Variants in LRRTM4 observed in about 807,000 individuals in gnomAD.
LRRTM4 encodes leucine rich repeat transmembrane neuronal 4.
Under a neutral mutation model 47.6 loss-of-function variants are expected in LRRTM4, and 25 were observed. That is an observed-to-expected ratio of 0.53 (90% CI 0.38 to 0.73). The LOEUF (loss-of-function observed/expected upper bound fraction) is 0.73. Ranked by LOEUF, LRRTM4 falls within the 30% of genes least tolerant of loss-of-function variation. LRRTM4 has a pLI of 0.00. For synonymous variants in LRRTM4, 311 were observed against 269.5 expected, an observed-to-expected ratio of 1.15 and a Z score of -1.51; for missense variants, 638 against 713.4, an observed-to-expected ratio of 0.89 and a Z score of 1.20.
chr2:77,075,540 G>C (rs950169785), intron 3 of LRRTM4, among the ~76,000 whole-genome samples: 13 of 152,014 alleles, frequency 8.6e-5, no homozygotes, highest in Non-Finnish European at 1.8e-4. Context: ...TAAAAATAAG[G>C]TCTACATTTT....
At chr2:76,766,681 A>G (rs1673469296) in intron 3 of LRRTM4, among the ~76,000 whole-genome samples, 1 of 152,190 alleles carries the variant, frequency 6.6e-6, no homozygotes, top group South Asian at 2.1e-4. Context: ...GCCTTGCTAC[A>G]GTTCTGAAGT....
chr2:76,780,530 C>G (rs576053409), intron 3 of LRRTM4, among the ~76,000 whole-genome samples: 3 of 152,206 alleles, frequency 2.0e-5, no homozygotes, highest in East Asian at 3.9e-4. Flanking sequence ...TGCTGATACC[C>G]TTTTTTCCAG....
chr2:76,952,528 G>A lies in LRRTM4; in HGVS notation c.1552-203612C>T, dbSNP rs772220654. 5.3e-5 allele frequency among the ~76,000 whole-genome samples: 8 copies of A among 151,894 alleles called. No homozygotes were observed. In the East Asian group the frequency reaches 7.8e-4, roughly 15 times the overall value. ...CAGTCAGAATGGCTATTAATAAAAC[G>A]TCAAAAAAGCAGAAATAATGGCAAG... On this transcript the variant is annotated intron_variant, in intron 3 of 3. Transcript: ENST00000409884.
chr2:76,786,401 T>C (rs933185742), intron 3 of LRRTM4, among the ~76,000 whole-genome samples: 16 of 152,066 alleles, frequency 1.1e-4, no homozygotes, highest in African/African-American at 3.4e-4. Flanking sequence ...ACTCCTAACA[T>C]TTTTTTAACA....
intron 3 of LRRTM4, among the ~76,000 whole-genome samples, chr2:77,448,441 A>C (rs535890737): frequency 6.7e-4 from 102 of 152,176 alleles, no homozygotes; most frequent in Non-Finnish European, 1.3e-3. Context: ...AGAGGGATAC[A>C]GTTTGCAGTT....
chr2:76,830,005 A>G (rs949370079), intron 3 of LRRTM4, among the ~76,000 whole-genome samples: 18 of 152,038 alleles, frequency 1.2e-4, no homozygotes, highest in African/African-American at 4.3e-4. Flanking sequence ...TGCCCATCCA[A>G]TTAACCTTAG....
At chr2:77,259,895 C>T (rs895524427) in intron 3 of LRRTM4, among the ~76,000 whole-genome samples, 1 of 152,028 alleles carries the variant, frequency 6.6e-6, no homozygotes, top group Non-Finnish European at 1.5e-5. Context: ...CAGCCCATGT[C>T]AAGAGCCTTG....
chr2:77,384,808 G>A (rs993204291), intron 3 of LRRTM4, among the ~76,000 whole-genome samples: 17 of 152,072 alleles, frequency 1.1e-4, no homozygotes, highest in Non-Finnish European at 2.1e-4. Flanking sequence ...AGGAAAGTAA[G>A]CGAAAATGGA....
chr2:77,182,984 G>A (rs908770924), intron 3 of LRRTM4, among the ~76,000 whole-genome samples: 1 of 152,178 alleles, frequency 6.6e-6, no homozygotes, highest in Non-Finnish European at 1.5e-5. Flanking sequence ...AAAAGCCCTA[G>A]AAGAAAACCT....
chr2:77,239,326 A>G (rs1675196538), intron 3 of LRRTM4, among the ~76,000 whole-genome samples: 1 of 151,992 alleles, frequency 6.6e-6, no homozygotes, highest in African/African-American at 2.4e-5. Flanking sequence ...TCAAAATGAA[A>G]TAATAGAAAT....
At position 76,975,709 on chromosome 2, in the gene LRRTM4, T is replaced by C. The variant is rs77633556; in HGVS notation, c.1552-226793A>G. ...TTGAGGAGACAAAAAATATTTACTA[T>C]TGGACCATTTTGGCAGAGTACCTTA... On this transcript the variant is annotated intron_variant, in intron 3 of 3. Coordinates refer to ENST00000409884, the MANE Select transcript of LRRTM4 (RefSeq NM_001134745.3). Among the ~76,000 whole-genome samples, 664 of 151,834 alleles carry C rather than the reference T, an allele frequency of 4.4e-3. 24 individuals carry two copies. In the South Asian group the frequency reaches 0.068, roughly 16 times the overall value.
At chr2:77,130,016 G>A (rs966575759) in intron 3 of LRRTM4, among the ~76,000 whole-genome samples, 1 of 152,076 alleles carries the variant, frequency 6.6e-6, no homozygotes, top group Non-Finnish European at 1.5e-5. Context: ...AATTATTAAT[G>A]CAGCTTTTAG....
chr2:77,311,824 T>A (rs1445195528), intron 3 of LRRTM4, among the ~76,000 whole-genome samples: 2 of 152,298 alleles, frequency 1.3e-5, no homozygotes, highest in South Asian at 2.1e-4. Flanking sequence ...CAGTGAGAAT[T>A]CTGGCTTTGT....
At chr2:77,106,280 A>C (rs919357715) in intron 3 of LRRTM4, among the ~76,000 whole-genome samples, 4 of 152,206 alleles carry the variant, frequency 2.6e-5, no homozygotes, top group Non-Finnish European at 4.4e-5. Context: ...TTTTCATGAT[A>C]GTAACATATA....
intron 3 of LRRTM4, among the ~76,000 whole-genome samples, chr2:77,022,503 T>TC (rs1487761978): frequency 6.6e-6 from 1 of 152,142 alleles, no homozygotes; most frequent in Non-Finnish European, 1.5e-5. Flanking sequence ...GCAAGTCCCT[T>TC]CCACCTATGA....
At chr2:77,336,225 A>T (rs1429460054) in intron 3 of LRRTM4, among the ~76,000 whole-genome samples, 1 of 149,482 alleles carries the variant, frequency 6.7e-6, no homozygotes, top group Non-Finnish European at 1.5e-5. Flanking sequence ...GGGAGAAAGG[A>T]AAGAAAGGAA....
intron 3 of LRRTM4, among the ~76,000 whole-genome samples, chr2:76,936,690 C>T (rs1193074570): frequency 6.6e-6 from 1 of 151,300 alleles, no homozygotes; most frequent in East Asian, 1.9e-4. Context: ...CACAGTGACT[C>T]ACGCCTCTAA....
At chr2:76,781,192 A>T (rs1040716498) in intron 3 of LRRTM4, among the ~76,000 whole-genome samples, 1 of 152,232 alleles carries the variant, frequency 6.6e-6, no homozygotes, top group Admixed American at 6.5e-5. Flanking sequence ...TGCAGAGGTT[A>T]CTGCTGTCTT....
At chr2:77,384,918 T>C (rs926101198) in intron 3 of LRRTM4, among the ~76,000 whole-genome samples, 10 of 152,198 alleles carry the variant, frequency 6.6e-5, no homozygotes, top group Non-Finnish European at 1.2e-4. Flanking sequence ...AAATATGCTA[T>C]AGCAAACCCA....
Sources: gnomAD v4.1 joint callset for allele counts (sites outside exome capture counted in the v4.1 genomes callset) on GRCh38, gnomAD v4.1.1 for gene constraint, MANE v1.5 for transcripts, NCBI Gene and HGNC (gene_info 2026-07-23, HGNC 2026-07-21) for gene names.